Variants in ARL6IP5 observed in about 807,000 individuals in gnomAD.
The protein encoded by ARL6IP5 is ARF like GTPase 6 interacting protein 5.
ARL6IP5 carries 6 observed loss-of-function variants against 13.0 expected under a neutral mutation model. The observed-to-expected ratio is 0.46, with a 90% CI of 0.25 to 0.91. The LOEUF (loss-of-function observed/expected upper bound fraction) is 0.91. ARL6IP5 is among the 40% of genes least tolerant of loss of function. The pLI is 0.17. For synonymous variants in ARL6IP5, 91 were observed against 91.9 expected, an observed-to-expected ratio of 0.99 and a Z score of 0.06; for missense variants, 208 against 248.8, an observed-to-expected ratio of 0.84 and a Z score of 1.10.
rs779700699 is a variant in ARL6IP5, at chr3:69,085,076, C to T, written c.29C>T (p.Ala10Val). 15 of 1,614,152 alleles carry T rather than the reference C, an allele frequency of 9.3e-6. No homozygotes were observed. The South Asian group carries it at 1.5e-4, about 17-fold the overall frequency. ...GACGTTAATATCGCCCCACTCCGCGCCTGGGACGATTTCTTCCCGGGTTCC... is the reference window on the plus strand; with the variant it reads ...GACGTTAATATCGCCCCACTCCGCGTCTGGGACGATTTCTTCCCGGGTTCC... MDVNIAPLR[A>V]WDDFFPGSDR... Residue 10 changes from alanine (A) to valine (V), a missense_variant, in exon 1 of 3, where the codon GCC becomes GTC. Coordinates refer to ENST00000273258, the MANE Select transcript of ARL6IP5 (RefSeq NM_006407.4).
Position 69,102,257 on chromosome 3 carries a change from T to C in ARL6IP5, c.394+201T>C, listed in dbSNP as rs2092308183. 8 of 600,358 alleles carry C rather than the reference T, an allele frequency of 1.3e-5. No individual in the cohort carries two copies. The South Asian group carries it at 1.4e-4, about 11-fold the overall frequency. The allele number at this position is 600,358 out of a possible 1,614,324, so 37.2% of individuals were successfully genotyped here. On this transcript the variant is annotated intron_variant, in intron 2 of 2. Coordinates refer to ENST00000273258, the MANE Select transcript of ARL6IP5 (RefSeq NM_006407.4). The stretch of plus-strand genomic sequence containing the variant: ...CAAGAACTATGAGGTCAAGGCCTTA[T>C]AGTTCATTAATTCCACAAATATTTG...
chr3:69,102,847 C>T (rs2107515775), intron 2 of ARL6IP5, among the ~76,000 whole-genome samples: 1 of 152,292 alleles, frequency 6.6e-6, no homozygotes, highest in South Asian at 2.1e-4. Context: ...ACTAAATACT[C>T]AGATTCTGGT....
chr3:69,096,713 C>T (rs1017460401), intron 1 of ARL6IP5, among the ~76,000 whole-genome samples: 2 of 150,322 alleles, frequency 1.3e-5, no homozygotes, highest in African/African-American at 4.9e-5. Flanking sequence ...AAGCAATTCT[C>T]CTGCCTCAGC....
chr3:69,086,952 C>G (rs528956906), intron 1 of ARL6IP5, among the ~76,000 whole-genome samples: 1 of 152,088 alleles, frequency 6.6e-6, no homozygotes, highest in Non-Finnish European at 1.5e-5. Context: ...CCCGCCTCAG[C>G]CTCCCAAAGT....
In ARL6IP5 at chr3:69,104,681, G is replaced by A; in HGVS notation, c.*45G>A. 2 of 1,598,834 alleles carry A rather than the reference G, an allele frequency of 1.3e-6. No homozygotes were observed. Among genetic ancestry groups the A allele is most frequent in the Non-Finnish European group, 1.7e-6 (2 of 1,169,978 alleles). On this transcript the variant is annotated 3_prime_UTR_variant, in exon 3 of 3. Coordinates refer to ENST00000273258, the MANE Select transcript of ARL6IP5 (RefSeq NM_006407.4). ...GGGTTGCAGCAGAAATTGAGTTGCA[G>A]CTTGCCCTTGTCCAGACCTATGTTC...
intron 1 of ARL6IP5, among the ~76,000 whole-genome samples, chr3:69,089,476 C>A (rs113571647): frequency 2.0e-5 from 3 of 152,206 alleles, no homozygotes; most frequent in Non-Finnish European, 2.9e-5. Flanking sequence ...CTGACTCTTA[C>A]AATATTTGCA....
intron 1 of ARL6IP5, among the ~76,000 whole-genome samples, chr3:69,086,348 G>A (rs2092247361): frequency 6.6e-6 from 1 of 152,148 alleles, no homozygotes; most frequent in African/African-American, 2.4e-5. Flanking sequence ...TTCTGGCCCA[G>A]GGGCTCCTGG....
At chr3:69,093,459 C>G (rs1181534337) in intron 1 of ARL6IP5, among the ~76,000 whole-genome samples, 1 of 152,180 alleles carries the variant, frequency 6.6e-6, no homozygotes, top group East Asian at 1.9e-4. Context: ...CTCATTTACT[C>G]AAGACGAATT....
chr3:69,095,390 A>G lies in ARL6IP5; in HGVS notation c.177-6449A>G, dbSNP rs550205949. Among the ~76,000 whole-genome samples the G allele has an allele frequency of 2.1e-4, 32 of 151,644 alleles. No homozygotes were observed. In the South Asian group the frequency reaches 6.2e-3, roughly 29 times the overall value. Reference sequence around the variant, plus strand: ...TTTTAAATATATATAATTAAAATATATACAAACATATGTATTAATATATTT... The same window carrying G: ...TTTTAAATATATATAATTAAAATATGTACAAACATATGTATTAATATATTT... On this transcript the variant is annotated intron_variant, in intron 1 of 2. Coordinates refer to ENST00000273258, the MANE Select transcript of ARL6IP5 (RefSeq NM_006407.4).
At chr3:69,104,141 C>T (rs1490834570) in intron 2 of ARL6IP5, among the ~76,000 whole-genome samples, 2 of 152,184 alleles carry the variant, frequency 1.3e-5, no homozygotes, top group Non-Finnish European at 2.9e-5. Context: ...CCCGTTGATT[C>T]ACTCTGAATT....
intron 1 of ARL6IP5, among the ~76,000 whole-genome samples, chr3:69,098,442 A>C (rs1444146037): frequency 6.6e-6 from 1 of 151,856 alleles, no homozygotes; most frequent in Non-Finnish European, 1.5e-5. Context: ...ACAGGGTTTT[A>C]CCATGTAGGC....
chr3:69,090,315 T>C (rs1461948710), intron 1 of ARL6IP5, among the ~76,000 whole-genome samples: 1 of 152,250 alleles, frequency 6.6e-6, no homozygotes, highest in Non-Finnish European at 1.5e-5. Context: ...CTCTTATTTG[T>C]GTTGCTTCAT....
At chr3:69,102,383 T>G (rs1355945152) in intron 2 of ARL6IP5, among the ~76,000 whole-genome samples, 1 of 152,170 alleles carries the variant, frequency 6.6e-6, no homozygotes, top group Non-Finnish European at 1.5e-5. Context: ...CTGCAACCTC[T>G]GCCTCCTGAA....
intron 1 of ARL6IP5, among the ~76,000 whole-genome samples, chr3:69,097,363 G>C (rs1006141079): frequency 6.8e-6 from 1 of 147,138 alleles, no homozygotes; most frequent in Non-Finnish European, 1.5e-5. Context: ...TTGGAGAGAT[G>C]GGGTTTCGCC....
intron 1 of ARL6IP5, among the ~76,000 whole-genome samples, chr3:69,093,940 G>A (rs1236812802): frequency 6.6e-6 from 1 of 152,124 alleles, no homozygotes; most frequent in Non-Finnish European, 1.5e-5. Flanking sequence ...AGTGACAGAG[G>A]AAGAACCTTT....
intron 1 of ARL6IP5, among the ~76,000 whole-genome samples, chr3:69,090,264 T>A (rs1217251923): frequency 1.3e-5 from 2 of 152,214 alleles, no homozygotes; most frequent in East Asian, 1.9e-4. Flanking sequence ...GTGGAAATGT[T>A]TTTGAGATTA....
intron 1 of ARL6IP5, among the ~76,000 whole-genome samples, chr3:69,095,691 C>T (rs758239706): frequency 1.7e-4 from 26 of 152,074 alleles, no homozygotes; most frequent in Non-Finnish European, 2.9e-4. Flanking sequence ...GATGGGGTTT[C>T]GCCATGTTGG....
chr3:69,090,999 C>T (rs2092263744), intron 1 of ARL6IP5, among the ~76,000 whole-genome samples: 1 of 152,110 alleles, frequency 6.6e-6, no homozygotes, highest in African/African-American at 2.4e-5. Flanking sequence ...GAGTTTAAGA[C>T]CAGCCCGGGC....
At chr3:69,102,145 G>A (rs2092307762) in intron 2 of ARL6IP5, 89 bp downstream of exon 2, 1 of 1,405,376 alleles carries the variant, frequency 7.1e-7, no homozygotes, top group South Asian at 1.2e-5. Context: ...TCTTATATGT[G>A]TTGGCATGTC....
Sources: gnomAD v4.1 joint callset for allele counts (sites outside exome capture counted in the v4.1 genomes callset) on GRCh38, gnomAD v4.1.1 for gene constraint, MANE v1.5 for transcripts, NCBI Gene and HGNC (gene_info 2026-07-23, HGNC 2026-07-21) for gene names.